Variants in CTBP1 observed in about 807,000 individuals in gnomAD.
CTBP1 encodes the protein C-terminal binding protein 1, also known as C-terminal-binding protein 1.
A neutral mutation model predicts 42.1 loss-of-function variants in CTBP1; 11 were observed. That is an observed-to-expected ratio of 0.26 (90% CI 0.16 to 0.43). The LOEUF (loss-of-function observed/expected upper bound fraction) is 0.43, where lower values mean the gene tolerates loss of function less well. Among genes scored for constraint, CTBP1 ranks in the 20% least tolerant of loss-of-function variants. The probability of loss-of-function intolerance (pLI) is 1.00; values close to 1 mark genes in which losing one functional copy is unlikely to be tolerated. For missense variants in CTBP1, 399 were observed against 624.3 expected, an observed-to-expected ratio of 0.64 and a Z score of 3.85; for synonymous variants, 324 against 277.1, an observed-to-expected ratio of 1.17 and a Z score of -1.68.
At position 1,228,357 on chromosome 4, in the gene CTBP1, GCA is replaced by G. The variant is rs751392535; in HGVS notation, c.163-16_163-15del. On this transcript the variant is annotated splice_polypyrimidine_tract_variant and intron_variant, in intron 3 of 9. Coordinates refer to ENST00000382952, the MANE Select transcript of CTBP1 (RefSeq NM_001012614.2). ...CTCGTTCAGGACCTGCAGCGAGAAAGCACACAGGCTCAGCCCGGAACCTGAAG... is the reference window on the plus strand; with the variant it reads ...CTCGTTCAGGACCTGCAGCGAGAAAGCACAGGCTCAGCCCGGAACCTGAAG... 6.2e-7 allele frequency: 1 copy of G among 1,611,324 alleles called. No homozygotes were observed. Among genetic ancestry groups the G allele is most frequent in the Admixed American group, 1.7e-5 (1 of 59,870 alleles).
intron 5 of CTBP1, among the ~76,000 whole-genome samples, chr4:1,223,068 C>T (rs939253473): frequency 1.1e-4 from 7 of 66,248 alleles, no homozygotes; most frequent in Non-Finnish European, 2.7e-4. Context: ...CTGGAGACAG[C>T]GGAGGCACCG....
Position 1,211,863 on chromosome 4 carries a change from T to C in CTBP1, c.*377A>G. 7.5e-6 allele frequency: 1 copy of C among 133,814 alleles called. No individual in the cohort carries two copies. Among genetic ancestry groups the C allele is most frequent in the African/African-American group, 3.2e-5 (1 of 31,042 alleles). 8.3% of individuals were successfully genotyped at this position (133,814 alleles called of 1,614,324 possible). A position where few individuals can be genotyped will look rare whatever the true frequency, so the allele number is the denominator to read the frequency against. The stretch of plus-strand genomic sequence containing the variant: ...CCTCATTCTGGGGCACGTTCCAACA[T>C]ACAAAAAAAAAAAAAACAAAAAAAA... On this transcript the variant is annotated 3_prime_UTR_variant, in exon 10 of 10. Transcript: ENST00000382952.
intron 1 of CTBP1, chr4:1,241,892 T>A: frequency 9.4e-7 from 1 of 1,067,824 alleles, no homozygotes; most frequent in Non-Finnish European, 1.1e-6. Context: ...GCAGGGAAAC[T>A]GCGGAAAGGC....
chr4:1,243,961 G>A (rs1427352518), intron 1 of CTBP1: 3 of 985,440 alleles, frequency 3.0e-6, no homozygotes, highest in Non-Finnish European at 3.6e-6. Flanking sequence ...AGTGAGTGTA[G>A]AGCACATGGA....
At chr4:1,225,682 G>T in intron 4 of CTBP1, 116 bp from the exon 5 acceptor site, 1 of 1,146,390 alleles carries the variant, frequency 8.7e-7, no homozygotes, top group Non-Finnish European at 1.2e-6. Flanking sequence ...GCCAAAGGCC[G>T]TGTCCCCAAG....
chr4:1,242,756 C>A (rs770317689), intron 1 of CTBP1: 8 of 985,446 alleles, frequency 8.1e-6, no homozygotes, highest in Non-Finnish European at 9.6e-6. Context: ...CAGCCTCCTG[C>A]CCTGAATGCC....
At chr4:1,214,081 A>G in intron 7 of CTBP1, 1 of 494,382 alleles carries the variant, frequency 2.0e-6, no homozygotes, top group Non-Finnish European at 3.5e-6. Context: ...CTGGGGCCTC[A>G]CTCTCTCCTG....
chr4:1,244,531 G>A (rs909120686), intron 1 of CTBP1: 128 of 984,980 alleles, frequency 1.3e-4, no homozygotes, highest in South Asian at 1.4e-4. Context: ...TGGGCCAACC[G>A]GTCCGCTCCC....
intron 5 of CTBP1, chr4:1,223,635 G>A (rs1380459427): frequency 2.6e-6 from 1 of 388,950 alleles, no homozygotes; most frequent in Non-Finnish European, 5.1e-6. Flanking sequence ...GCTGGGCCAA[G>A]GTGTCCAGGG....
rs983986675 is a variant in CTBP1, at chr4:1,212,762, G to A, written c.1106+151C>T. On this transcript the variant is annotated intron_variant, in intron 9 of 9. Transcript: ENST00000382952. ...TTCCAAGAGGCCCTGGTTCTCATGG[G>A]CCTTTCAGGTGAGGTTGGCCTTACC... The A allele has an allele frequency of 1.2e-5, 8 of 689,602 alleles. No homozygotes were observed. In the African/African-American group the frequency reaches 1.3e-4, roughly 11 times the overall value. 42.7% of individuals were successfully genotyped at this position (689,602 alleles called of 1,614,324 possible).
intron 4 of CTBP1, among the ~76,000 whole-genome samples, chr4:1,227,433 G>A (rs1361674627): frequency 1.3e-5 from 2 of 149,908 alleles, no homozygotes; most frequent in African/African-American, 4.9e-5. Flanking sequence ...CGTGATCCGT[G>A]TGCTGAGTGC....
At chr4:1,244,358 G>GT (rs1560285669) in intron 1 of CTBP1, 2 of 983,028 alleles carry the variant, frequency 2.0e-6, no homozygotes, top group East Asian at 1.1e-4. Context: ...GGGCACTGGG[G>GT]GGGGGGTGTT....
intron 3 of CTBP1, chr4:1,236,531 C>T: frequency 1.6e-6 from 1 of 627,204 alleles, no homozygotes; most frequent in Non-Finnish European, 2.9e-6. Flanking sequence ...CAGGGCAAAC[C>T]CGGTGTCCAC....
chr4:1,225,366 C>A lies in CTBP1; in HGVS notation c.508G>T (p.Gly170Ter). Reference sequence around the variant, plus strand: ...GGAGCTGCGGCCGACGCACCAAGTCCGATGATGCCCAAGGTCTCCCCGCGG... The same window carrying A: ...GGAGCTGCGGCCGACGCACCAAGTCAGATGATGCCCAAGGTCTCCCCGCGG... The part of the protein sequence containing the change: ...RIRGETLGII[G>*]LGRVGQAVAL... The change falls in exon 5 of 10, where the codon GGA (glycine) becomes TGA (stop). Residue 170 changes from glycine (G) to a stop codon, truncating the protein, a stop_gained. Transcript: ENST00000382952. LOFTEE classifies it high-confidence loss of function. 6.4e-7 allele frequency: 1 copy of A among 1,556,820 alleles called. No homozygotes were observed.
rs945361220 is a variant in CTBP1 at position 1,212,822 on chromosome 4, G to C, written c.1106+91C>G. ...CAGATCCTCCAGGTCAGTCAGTGGA[G>C]ACGCCGCCCCTCCCACCAGGGGCTG... On this transcript the variant is annotated intron_variant, in intron 9 of 9. Coordinates refer to ENST00000382952, the MANE Select transcript of CTBP1 (RefSeq NM_001012614.2). 2.3e-5 allele frequency: 25 copies of C among 1,102,076 alleles called. No individual in the cohort carries two copies. The South Asian group carries it at 2.5e-4, about 11-fold the overall frequency. The allele number at this position is 1,102,076 out of a possible 1,614,324, so 68.3% of individuals were successfully genotyped here.
In CTBP1 at chr4:1,212,114, C is replaced by CT; in HGVS notation, c.*125dup. 1 of 805,312 alleles carries CT rather than the reference C, an allele frequency of 1.2e-6. No homozygotes were observed. Among genetic ancestry groups the CT allele is most frequent in the Non-Finnish European group, 1.8e-6 (1 of 565,434 alleles). The allele number at this position is 805,312 out of a possible 1,614,324, so 49.9% of individuals were successfully genotyped here. A position where few individuals can be genotyped will look rare whatever the true frequency, so the allele number is the denominator to read the frequency against. On this transcript the variant is annotated 3_prime_UTR_variant, in exon 10 of 10. Coordinates refer to ENST00000382952, the MANE Select transcript of CTBP1 (RefSeq NM_001012614.2). ...GAGGCCCAGCGCTGCCCCCTCCCGCCTCCTGACAGCCCGGACCAGTCTCTG... is the reference window on the plus strand; with the variant it reads ...GAGGCCCAGCGCTGCCCCCTCCCGCCTTCCTGACAGCCCGGACCAGTCTCTG...
intron 1 of CTBP1, chr4:1,243,188 A>G: frequency 1.0e-6 from 1 of 985,424 alleles, no homozygotes; most frequent in Non-Finnish European, 1.2e-6. Flanking sequence ...CTCCTGGAGG[A>G]TCATCGATAC....
At chr4:1,228,455 T>G in intron 3 of CTBP1, 112 bp from the exon 4 acceptor site, 2 of 1,354,738 alleles carry the variant, frequency 1.5e-6, no homozygotes, top group South Asian at 1.4e-5. Context: ...TCAGGCTTGT[T>G]CCCCAAGCAC....
At chr4:1,236,466 T>G in intron 3 of CTBP1, 1 of 580,220 alleles carries the variant, frequency 1.7e-6, no homozygotes, top group Non-Finnish European at 3.1e-6. Context: ...CCACAAAAGC[T>G]GGCATCCCGA....
Sources: allele counts gnomAD v4.1 joint callset (sites outside exome capture counted in the v4.1 genomes callset), GRCh38; gene constraint gnomAD v4.1.1; transcripts MANE v1.5; gene names NCBI Gene and HGNC (gene_info 2026-07-23, HGNC 2026-07-21).